The following DYM variants were observed in gnomAD, a reference collection of about 807,000 sequenced individuals.
DYM encodes dyggve-Melchior-Clausen syndrome protein.
DYM carries 78 observed loss-of-function variants against 93.1 expected under a neutral mutation model. The ratio of observed to expected loss-of-function variants is 0.84; its 90% CI spans 0.70 to 1.01. The LOEUF (loss-of-function observed/expected upper bound fraction) is 1.01, where lower values mean the gene tolerates loss of function less well. Among genes scored for constraint, DYM ranks in the 50% least tolerant of loss-of-function variants. The pLI is 0.00. For missense variants in DYM, 789 were observed against 845.0 expected (o/e 0.93, Z 0.82); for synonymous variants, 321 against 319.7 (o/e 1.00, Z -0.04).
intron 13 of DYM, among the ~76,000 whole-genome samples, chr18:49,251,919 A>G (rs2094296570): frequency 6.6e-6 from 1 of 152,084 alleles, no homozygotes; most frequent in Admixed American, 6.5e-5. Context: ...ACGCTGCTAT[A>G]AAGAACTGCC....
chr18:49,331,842 GA>G (rs762990918), intron 8 of DYM, 21 bp downstream of exon 8: 1 of 1,613,640 alleles, frequency 6.2e-7, no homozygotes, highest in African/African-American at 1.3e-5. Context: ...CCAAAGAATT[GA>G]AAAAATCTGA....
At chr18:49,443,496 G>A (rs964128673) in intron 1 of DYM, among the ~76,000 whole-genome samples, 1 of 152,222 alleles carries the variant, frequency 6.6e-6, no homozygotes, top group Non-Finnish European at 1.5e-5. Context: ...TGTCACACTT[G>A]TAAGTCACAG....
chr18:49,296,127 C>T (rs2060528975), intron 8 of DYM, among the ~76,000 whole-genome samples: 1 of 152,102 alleles, frequency 6.6e-6, no homozygotes, highest in South Asian at 2.1e-4. Context: ...CAGGGTTTTG[C>T]CATGGTGGCC....
intron 16 of DYM, among the ~76,000 whole-genome samples, chr18:49,104,048 G>A (rs1315736407): frequency 1.3e-5 from 2 of 152,112 alleles, no homozygotes; most frequent in Non-Finnish European, 1.5e-5. Flanking sequence ...CCATGAGCAT[G>A]GAATGTTCTT....
intron 2 of DYM, among the ~76,000 whole-genome samples, chr18:49,402,998 G>A (rs965944323): frequency 7.9e-5 from 12 of 152,222 alleles, no homozygotes; most frequent in African/African-American, 2.9e-4. Context: ...CAACTCATAG[G>A]ACAGCTATGA....
chr18:49,043,804 G>A lies in DYM; in HGVS notation c.*251C>T. 2.0e-6 allele frequency: 1 copy of A among 511,546 alleles called. No homozygotes were observed. The highest frequency in any genetic ancestry group is 3.5e-6 in the Non-Finnish European group (1 of 284,906). The allele number at this position is 511,546 out of a possible 1,614,324, so 31.7% of individuals were successfully genotyped here. On this transcript the variant is annotated 3_prime_UTR_variant, in exon 18 of 18. Transcript: ENST00000675505. ...TGGCTTCGAAATAAAACTGCATGTTGAATAGCAGGTTTTTACATTTATTAT... is the reference window on the plus strand; with the variant it reads ...TGGCTTCGAAATAAAACTGCATGTTAAATAGCAGGTTTTTACATTTATTAT...
chr18:49,213,952 T>A (rs1184609450), intron 13 of DYM, among the ~76,000 whole-genome samples: 1 of 152,252 alleles, frequency 6.6e-6, no homozygotes, highest in Non-Finnish European at 1.5e-5. Flanking sequence ...AATGCAATTA[T>A]CCTTCACAGA....
At chr18:49,250,530 G>C (rs2094262859) in intron 13 of DYM, among the ~76,000 whole-genome samples, 1 of 152,210 alleles carries the variant, frequency 6.6e-6, no homozygotes, top group Non-Finnish European at 1.5e-5. Context: ...ACGAAGAGAT[G>C]AAGAGGGCCA....
chr18:49,238,205 T>C (rs957577548), intron 13 of DYM, among the ~76,000 whole-genome samples: 1 of 152,216 alleles, frequency 6.6e-6, no homozygotes, highest in Non-Finnish European at 1.5e-5. Context: ...TTTTCTAATC[T>C]GATAGGTAAG....
chr18:49,254,281 C>CATATATATATATATATAT (rs3084549), intron 13 of DYM, among the ~76,000 whole-genome samples: 8 of 136,572 alleles, frequency 5.9e-5, no homozygotes, highest in East Asian at 2.4e-4. Context: ...ATCCTTGTAT[C>CATATATATATATATATAT]ATATATATAT....
chr18:49,107,206 G>A (rs1477814991), intron 16 of DYM, among the ~76,000 whole-genome samples: 1 of 152,166 alleles, frequency 6.6e-6, no homozygotes, highest in Non-Finnish European at 1.5e-5. Flanking sequence ...AGTGGCTACT[G>A]AGGCTTGTGC....
intron 13 of DYM, among the ~76,000 whole-genome samples, chr18:49,220,891 C>G (rs1228198995): frequency 6.6e-6 from 1 of 152,156 alleles, no homozygotes; most frequent in Non-Finnish European, 1.5e-5. Flanking sequence ...CAACAAAAGC[C>G]AAAGTTGACA....
intron 5 of DYM, among the ~76,000 whole-genome samples, chr18:49,370,416 C>CTCAA (rs2066923334): frequency 1.3e-5 from 2 of 152,066 alleles, no homozygotes; most frequent in Non-Finnish European, 2.9e-5. Context: ...TCTTCAGCCT[C>CTCAA]TCAATCTCCA....
At chr18:49,127,378 G>T (rs1191377838) in intron 15 of DYM, among the ~76,000 whole-genome samples, 1 of 152,188 alleles carries the variant, frequency 6.6e-6, no homozygotes, top group African/African-American at 2.4e-5. Context: ...CTTGTTAACA[G>T]CAGTCAGAGT....
intron 13 of DYM, among the ~76,000 whole-genome samples, chr18:49,228,134 C>A (rs77241161): frequency 6.6e-6 from 1 of 151,994 alleles, no homozygotes. Context: ...TTCTCTATAC[C>A]CACTATAGTG....
rs150717845 is a variant in DYM, at chr18:49,162,711, T to C, written c.1728+974A>G. 5.6e-4 allele frequency among the ~76,000 whole-genome samples: 86 copies of C among 152,354 alleles called. 3 individuals carry two copies. Among genetic ancestry groups the C allele is most frequent in the African/African-American group, 2.0e-3 (82 of 41,592 alleles). ...TGTTACTGCTGCTCTCTTCTGACCA[T>C]GTCTGGTAAGACTGGAGTCACACCC... On this transcript the variant is annotated intron_variant, in intron 15 of 17. Coordinates refer to ENST00000675505, the MANE Select transcript of DYM (RefSeq NM_001353214.3).
At chr18:49,386,626 G>A (rs537755842) in intron 3 of DYM, among the ~76,000 whole-genome samples, 1 of 152,310 alleles carries the variant, frequency 6.6e-6, no homozygotes, top group Non-Finnish European at 1.5e-5. Context: ...AGAAACTGTT[G>A]CAGACCAGAG....
intron 14 of DYM, among the ~76,000 whole-genome samples, chr18:49,188,502 T>C (rs550742028): frequency 5.9e-5 from 9 of 152,264 alleles, no homozygotes; most frequent in Non-Finnish European, 1.3e-4. Flanking sequence ...TGGAATACTA[T>C]GCAGCCATGA....
intron 14 of DYM, among the ~76,000 whole-genome samples, chr18:49,186,784 C>G (rs994919158): frequency 6.6e-6 from 1 of 152,074 alleles, no homozygotes; most frequent in African/African-American, 2.4e-5. Flanking sequence ...CAAAAATGCA[C>G]GCATAATCCA....
Sources: allele counts gnomAD v4.1 joint callset (sites outside exome capture counted in the v4.1 genomes callset), GRCh38; gene constraint gnomAD v4.1.1; transcripts MANE v1.5; gene names NCBI Gene and HGNC (gene_info 2026-07-23, HGNC 2026-07-21).